PTPRS: variants seen among roughly 807,000 people sequenced by gnomAD.
PTPRS encodes protein tyrosine phosphatase receptor type S, also known as receptor-type tyrosine-protein phosphatase S.
In PTPRS, 63 loss-of-function variants were observed where a neutral mutation model predicts 215.3. That is an observed-to-expected ratio of 0.29 (90% CI 0.24 to 0.36). PTPRS has a LOEUF of 0.36. PTPRS is among the 10% of genes least tolerant of loss of function. The pLI is 1.00. For missense variants in PTPRS, 2,258 were observed against 2,825.8 expected, an observed-to-expected ratio of 0.80 and a Z score of 4.56; for synonymous variants, 1,404 against 1,191.4, an observed-to-expected ratio of 1.18 and a Z score of -3.68.
At chr19:5,220,727 A>G (rs1323305815) in intron 20 of PTPRS, among the ~76,000 whole-genome samples, 1 of 152,186 alleles carries the variant, frequency 6.6e-6, no homozygotes, top group Non-Finnish European at 1.5e-5. Context: ...TGGGAAGCCC[A>G]GAACCAAATC....
intron 6 of PTPRS, among the ~76,000 whole-genome samples, chr19:5,261,376 A>G (rs1382789717): frequency 6.6e-6 from 1 of 152,126 alleles, no homozygotes; most frequent in Non-Finnish European, 1.5e-5. Context: ...AGACAGGCCG[A>G]GTAGGAGGGA....
Position 5,340,687 on chromosome 19 carries a change from C to A in PTPRS, c.-118G>T, listed in dbSNP as rs1486680152. 2 of 150,098 alleles carry A rather than the reference C, an allele frequency of 1.3e-5. No homozygotes were observed. The highest frequency in any genetic ancestry group is 2.5e-5 in the African/African-American group (1 of 40,706). The allele number at this position is 150,098 out of a possible 1,614,324, so 9.3% of individuals were successfully genotyped here. ...ACCTGGAGGCTGGCTGGGCTGGGCTCCCCCGGCTCTGCCCCGCTTCACATC... is the reference window on the plus strand; with the variant it reads ...ACCTGGAGGCTGGCTGGGCTGGGCTACCCCGGCTCTGCCCCGCTTCACATC... On this transcript the variant is annotated 5_prime_UTR_variant, in exon 1 of 38. Transcript: ENST00000262963.
intron 23 of PTPRS, chr19:5,219,074 G>A: frequency 4.6e-6 from 3 of 652,602 alleles, no homozygotes; most frequent in East Asian, 2.8e-5. Context: ...CCCAAATCTT[G>A]CTGAGTTGAA....
chr19:5,224,944 A>C (rs1568413265), intron 17 of PTPRS, among the ~76,000 whole-genome samples: 1 of 152,094 alleles, frequency 6.6e-6, no homozygotes, highest in African/African-American at 2.4e-5. Context: ...GATGAAGGCC[A>C]CAGAAGTCAG....
chr19:5,228,237 C>T (rs2042676568), intron 16 of PTPRS, among the ~76,000 whole-genome samples: 1 of 148,474 alleles, frequency 6.7e-6, no homozygotes. Flanking sequence ...CCCAGCCACT[C>T]GGGAGGCTGA....
chr19:5,292,865 G>A (rs2048944299), intron 1 of PTPRS: 1 of 151,598 alleles, frequency 6.6e-6, no homozygotes. Flanking sequence ...GGGGTGGGGG[G>A]AGGAGGTCGG....
chr19:5,331,643 C>A (rs1305871880), intron 1 of PTPRS, among the ~76,000 whole-genome samples: 2 of 152,134 alleles, frequency 1.3e-5, no homozygotes, highest in Non-Finnish European at 2.9e-5. Context: ...GGCTGAGAAC[C>A]ACAGCAGTAC....
At chr19:5,262,871 G>A (rs893279459) in intron 6 of PTPRS, 93 bp downstream of exon 6, 8 of 1,346,942 alleles carry the variant, frequency 5.9e-6, no homozygotes, top group East Asian at 2.5e-5. Context: ...TTACCATCAC[G>A]GTGGCTGTTA....
chr19:5,283,157 G>C (rs2048013594), intron 2 of PTPRS, among the ~76,000 whole-genome samples: 1 of 150,204 alleles, frequency 6.7e-6, no homozygotes, highest in Admixed American at 6.6e-5. Flanking sequence ...CACCCACCCT[G>C]TCCCCTCCAA....
intron 1 of PTPRS, among the ~76,000 whole-genome samples, chr19:5,314,995 C>G (rs2049826330): frequency 6.6e-6 from 1 of 152,216 alleles, no homozygotes; most frequent in Non-Finnish European, 1.5e-5. Context: ...CGAGCACCTA[C>G]TATGCACTAG....
intron 30 of PTPRS, among the ~76,000 whole-genome samples, chr19:5,213,534 GTC>G (rs1407589694): frequency 1.3e-5 from 2 of 152,188 alleles, no homozygotes; most frequent in Admixed American, 6.5e-5. Flanking sequence ...CATAGTTGTG[GTC>G]TGTGTCTTGT....
intron 2 of PTPRS, among the ~76,000 whole-genome samples, chr19:5,280,288 C>T (rs959684189): frequency 1.2e-4 from 18 of 152,130 alleles, no homozygotes; most frequent in Non-Finnish European, 2.1e-4. Flanking sequence ...CAACGCCTAC[C>T]CATCCATGGC....
intron 6 of PTPRS, among the ~76,000 whole-genome samples, chr19:5,262,077 C>G (rs917856122): frequency 1.1e-4 from 16 of 152,094 alleles, no homozygotes; most frequent in African/African-American, 3.9e-4. Flanking sequence ...GTTTGGGGTA[C>G]CAGCCTGGCC....
intron 2 of PTPRS, among the ~76,000 whole-genome samples, chr19:5,281,887 T>C (rs1165853749): frequency 6.6e-6 from 1 of 152,194 alleles, no homozygotes. Context: ...TCAGCCACTG[T>C]CTGTGCTGTT....
chr19:5,268,092 G>C (rs983341243), intron 4 of PTPRS, among the ~76,000 whole-genome samples: 24 of 152,018 alleles, frequency 1.6e-4, no homozygotes, highest in Non-Finnish European at 2.1e-4. Flanking sequence ...ATGGCGTGAA[G>C]CCGGGAGGCG....
chr19:5,240,624 G>T, intron 11 of PTPRS, among the ~76,000 whole-genome samples: 1 of 152,058 alleles, frequency 6.6e-6, no homozygotes, highest in Non-Finnish European at 1.5e-5. Context: ...CAGATCACGA[G>T]ATCAGGAGAT....
chr19:5,302,230 A>T (rs1040097116), intron 1 of PTPRS, among the ~76,000 whole-genome samples: 2 of 152,054 alleles, frequency 1.3e-5, no homozygotes, highest in Non-Finnish European at 2.9e-5. Context: ...TGGGCATGGC[A>T]GTACATGTCT....
chr19:5,209,874 G>A (rs1013173448), intron 35 of PTPRS, among the ~76,000 whole-genome samples: 4 of 152,016 alleles, frequency 2.6e-5, no homozygotes, highest in African/African-American at 9.7e-5. Flanking sequence ...CATCATCTTG[G>A]CCAACATTCC....
chr19:5,216,886 G>A, intron 25 of PTPRS, 119 bp from the exon 26 acceptor site: 2 of 556,146 alleles, frequency 3.6e-6, no homozygotes, highest in Non-Finnish European at 6.3e-6. Flanking sequence ...CGCGGACAAC[G>A]GGGGGTATGT....
Sources: allele counts gnomAD v4.1 joint callset (sites outside exome capture counted in the v4.1 genomes callset), GRCh38; gene constraint gnomAD v4.1.1; transcripts MANE v1.5; gene names NCBI Gene and HGNC (gene_info 2026-07-23, HGNC 2026-07-21).